The following TTC29 variants were observed in gnomAD, a reference collection of about 807,000 sequenced individuals.
TTC29 encodes the protein tetratricopeptide repeat domain 29.
Under a neutral mutation model 58.1 loss-of-function variants are expected in TTC29, and 49 were observed. That is an observed-to-expected ratio of 0.84 (90% confidence interval 0.67 to 1.07). TTC29 has a LOEUF of 1.07. Among genes scored for constraint, TTC29 ranks in the 50% least tolerant of loss-of-function variants. The pLI is 0.00. For missense variants in TTC29, 582 were observed against 555.6 expected (o/e 1.05, Z -0.48); for synonymous variants, 209 against 196.8 (o/e 1.06, Z -0.52).
At chr4:146,715,940 A>C (rs1377829563) in intron 11 of TTC29, among the ~76,000 whole-genome samples, 2 of 152,156 alleles carry the variant, frequency 1.3e-5, no homozygotes, top group African/African-American at 4.8e-5. Flanking sequence ...TTCTTACACT[A>C]TGTGTTAAAT....
chr4:146,789,660 T>C lies in TTC29; in HGVS notation c.1330+13797A>G, dbSNP rs527265570. 9.2e-5 allele frequency among the ~76,000 whole-genome samples: 14 copies of C among 152,282 alleles called. No individual in the cohort carries two copies. The South Asian group carries it at 2.9e-3, about 32-fold the overall frequency. Reference sequence around the variant, plus strand: ...TCTTTGAAATAATTGAAATATGAAATAGACTAAGCTAGACTACAATAGAAA... The same window carrying C: ...TCTTTGAAATAATTGAAATATGAAACAGACTAAGCTAGACTACAATAGAAA... On this transcript the variant is annotated intron_variant, in intron 11 of 12. Coordinates refer to ENST00000325106, the MANE Select transcript of TTC29 (RefSeq NM_031956.4).
At chr4:146,844,360 T>C (rs904540904) in intron 8 of TTC29, among the ~76,000 whole-genome samples, 10 of 152,280 alleles carry the variant, frequency 6.6e-5, no homozygotes, top group South Asian at 2.1e-4. Context: ...TTGGTCATTA[T>C]AGTTTTGTAT....
intron 11 of TTC29, among the ~76,000 whole-genome samples, chr4:146,760,759 T>C (rs1746825664): frequency 6.8e-6 from 1 of 146,738 alleles, no homozygotes. Context: ...TATGTGTATA[T>C]ATATATATAT....
At chr4:146,741,267 C>A (rs1279859069) in intron 11 of TTC29, among the ~76,000 whole-genome samples, 1 of 152,096 alleles carries the variant, frequency 6.6e-6, no homozygotes, top group Non-Finnish European at 1.5e-5. Context: ...AACTGAAGAA[C>A]TTTATTGAAG....
At chr4:146,878,466 A>T (rs1731418869) in intron 6 of TTC29, among the ~76,000 whole-genome samples, 1 of 152,124 alleles carries the variant, frequency 6.6e-6, no homozygotes, top group African/African-American at 2.4e-5. Flanking sequence ...TATATATGAT[A>T]GTTGCTTTTT....
chr4:146,819,964 C>T (rs1561157022), intron 10 of TTC29, among the ~76,000 whole-genome samples, 161 bp downstream of exon 10: 1 of 152,156 alleles, frequency 6.6e-6, no homozygotes, highest in Admixed American at 6.6e-5. Context: ...ATTTCTCCTA[C>T]TAGTCCTTGC....
At chr4:146,921,508 A>G (rs911600573) in intron 4 of TTC29, among the ~76,000 whole-genome samples, 34 of 151,326 alleles carry the variant, frequency 2.2e-4, no homozygotes, top group Middle Eastern at 3.4e-3. Flanking sequence ...ACCAACAAAA[A>G]GAAAGCTTGT....
At chr4:146,853,608 T>A (rs1021010267) in intron 8 of TTC29, among the ~76,000 whole-genome samples, 5 of 152,186 alleles carry the variant, frequency 3.3e-5, no homozygotes, top group African/African-American at 1.2e-4. Flanking sequence ...TATTAATGAT[T>A]TTATGAACAA....
At chr4:146,719,296 C>T (rs987127096) in intron 11 of TTC29, among the ~76,000 whole-genome samples, 4 of 151,510 alleles carry the variant, frequency 2.6e-5, no homozygotes, top group African/African-American at 9.7e-5. Flanking sequence ...AATCTCTCAA[C>T]TACCCTATGC....
intron 11 of TTC29, among the ~76,000 whole-genome samples, chr4:146,786,448 G>A (rs1309544816): frequency 4.6e-5 from 7 of 152,106 alleles, no homozygotes; most frequent in African/African-American, 7.2e-5. Context: ...TTATGCACAC[G>A]GATGAAATCA....
chr4:146,850,385 C>T (rs981435361), intron 8 of TTC29, among the ~76,000 whole-genome samples: 7 of 152,198 alleles, frequency 4.6e-5, no homozygotes, highest in Admixed American at 1.3e-4. Flanking sequence ...ACTCATCCAG[C>T]CCTCTCTTCC....
At chr4:146,745,611 G>A (rs191481411) in intron 11 of TTC29, among the ~76,000 whole-genome samples, 2 of 152,328 alleles carry the variant, frequency 1.3e-5, no homozygotes, top group East Asian at 3.9e-4. Context: ...TCAATAGGTG[G>A]ACGGTTGCTT....
At chr4:146,891,675 T>G (rs1732376192) in intron 6 of TTC29, among the ~76,000 whole-genome samples, 1 of 152,166 alleles carries the variant, frequency 6.6e-6, no homozygotes, top group South Asian at 2.1e-4. Context: ...ATATTACTCC[T>G]TGGCCTGGGC....
intron 11 of TTC29, among the ~76,000 whole-genome samples, chr4:146,740,340 A>G (rs920854563): frequency 6.6e-6 from 1 of 152,200 alleles, no homozygotes; most frequent in Non-Finnish European, 1.5e-5. Flanking sequence ...CTCAAGGGTA[A>G]CAAAGAGGAT....
At chr4:146,767,936 AG>A (rs534514737) in intron 11 of TTC29, among the ~76,000 whole-genome samples, 4 of 152,044 alleles carry the variant, frequency 2.6e-5, no homozygotes, top group Non-Finnish European at 5.9e-5. Flanking sequence ...TTAAAATTCA[AG>A]GGTTGGATAA....
At chr4:146,842,997 T>G (rs1211035404) in intron 8 of TTC29, among the ~76,000 whole-genome samples, 1 of 152,128 alleles carries the variant, frequency 6.6e-6, no homozygotes, top group Non-Finnish European at 1.5e-5. Flanking sequence ...ATTTACAGTG[T>G]CTGAACATGA....
At chr4:146,741,681 G>T (rs908340883) in intron 11 of TTC29, among the ~76,000 whole-genome samples, 2 of 151,908 alleles carry the variant, frequency 1.3e-5, no homozygotes, top group African/African-American at 4.8e-5. Context: ...AAGAATCTCT[G>T]GCCATATTCC....
intron 11 of TTC29, among the ~76,000 whole-genome samples, chr4:146,749,912 C>G (rs1048510418): frequency 6.6e-6 from 1 of 152,174 alleles, no homozygotes; most frequent in Non-Finnish European, 1.5e-5. Context: ...AAGAAAAAAA[C>G]TGCCAGCCAA....
At chr4:146,765,921 C>T (rs1184237946) in intron 11 of TTC29, among the ~76,000 whole-genome samples, 3 of 151,956 alleles carry the variant, frequency 2.0e-5, no homozygotes, top group East Asian at 3.9e-4. Flanking sequence ...GACTGTTGTT[C>T]GGAATATATG....
Sources: allele counts gnomAD v4.1 joint callset (sites outside exome capture counted in the v4.1 genomes callset), GRCh38; gene constraint gnomAD v4.1.1; transcripts MANE v1.5; gene names NCBI Gene and HGNC (gene_info 2026-07-23, HGNC 2026-07-21).